The following MASTL variants were observed in gnomAD, a reference collection of about 807,000 sequenced individuals.
MASTL encodes microtubule associated serine/threonine kinase like.
MASTL carries 54 observed loss-of-function variants against 82.5 expected under a neutral mutation model. The ratio of observed to expected loss-of-function variants is 0.65; its 90% CI spans 0.53 to 0.82. The LOEUF (loss-of-function observed/expected upper bound fraction) is 0.82. Ranked by LOEUF, MASTL falls within the 40% of genes least tolerant of loss-of-function variation. MASTL has a pLI of 0.00. For missense variants in MASTL, 950 were observed against 1,047.8 expected, an observed-to-expected ratio of 0.91 and a Z score of 1.29; for synonymous variants, 323 against 368.9, an observed-to-expected ratio of 0.88 and a Z score of 1.43.
Position 27,156,162 on chromosome 10 carries a change from G to A in MASTL, c.186+550G>A, listed in dbSNP as rs537555939. Among the ~76,000 whole-genome samples, 329 of 152,190 alleles carry A rather than the reference G, an allele frequency of 2.2e-3. 3 individuals carry two copies. The highest frequency in any genetic ancestry group is 7.6e-3 in the African/African-American group (314 of 41,516). ...TGGGACTACAAGCGCCCGTCACCAC[G>A]CCCGGCTGATTTTTTGTATTTTTAG... On this transcript the variant is annotated intron_variant, in intron 1 of 11. Coordinates refer to ENST00000375940, the MANE Select transcript of MASTL (RefSeq NM_001172303.3).
chr10:27,156,510 A>ATT (rs71523560), intron 1 of MASTL, among the ~76,000 whole-genome samples: 2 of 149,556 alleles, frequency 1.3e-5, no homozygotes, highest in Non-Finnish European at 3.0e-5. Flanking sequence ...GTCTTTAATA[A>ATT]TTTTTTTTTA....
chr10:27,176,409 C>A (rs1220178478), intron 9 of MASTL, among the ~76,000 whole-genome samples: 1 of 152,158 alleles, frequency 6.6e-6, no homozygotes, highest in Non-Finnish European at 1.5e-5. Flanking sequence ...TTCTATTTCC[C>A]TTCTCAGAAA....
intron 3 of MASTL, 55 bp from the exon 4 acceptor site, chr10:27,161,039 A>G (rs544877576): frequency 1.6e-4 from 182 of 1,126,430 alleles, no homozygotes; most frequent in Admixed American, 4.9e-4. Flanking sequence ...TGGAAATTCT[A>G]ACATTAAAAC....
chr10:27,170,968 C>T lies in MASTL; in HGVS notation c.2009C>T (p.Pro670Leu). Residue 670 changes from proline (P) to leucine (L), a missense_variant, in exon 8 of 12, where the codon CCA becomes CTA. Coordinates refer to ENST00000375940, the MANE Select transcript of MASTL (RefSeq NM_001172303.3). ...SHINASNNSE[P>L]SRMNMTSLDA... Reference sequence around the variant, plus strand: ...ATTAATGCATCCAATAACTCAGAACCATCCAGAATGAACATGACTTCTTTA... The same window carrying T: ...ATTAATGCATCCAATAACTCAGAACTATCCAGAATGAACATGACTTCTTTA... The T allele has an allele frequency of 6.2e-7, 1 of 1,614,080 alleles. No individual in the cohort carries two copies. The highest frequency in any genetic ancestry group is 1.6e-4 in the Middle Eastern group (1 of 6,062).
intron 8 of MASTL, among the ~76,000 whole-genome samples, chr10:27,172,613 CA>C (rs2057985503): frequency 6.6e-6 from 1 of 152,000 alleles, no homozygotes; most frequent in African/African-American, 2.4e-5. Flanking sequence ...GAGATCGCAC[CA>C]CTGCACTCCA....
intron 9 of MASTL, among the ~76,000 whole-genome samples, chr10:27,173,559 CT>C (rs966531379): frequency 6.6e-6 from 1 of 151,742 alleles, no homozygotes; most frequent in Non-Finnish European, 1.5e-5. Flanking sequence ...TATCTTATCT[CT>C]TTTTTTATTT....
intron 11 of MASTL, 137 bp downstream of exon 11, chr10:27,181,718 A>T: frequency 1.6e-6 from 1 of 615,518 alleles, no homozygotes. Flanking sequence ...AGGCGGGCTG[A>T]TCACAAGGTC....
At chr10:27,180,806 C>G in intron 9 of MASTL, 147 bp from the exon 10 acceptor site, 1 of 691,736 alleles carries the variant, frequency 1.4e-6, no homozygotes, top group African/African-American at 1.8e-5. Context: ...GGCAGACTTG[C>G]AGCTTATCTG....
intron 10 of MASTL, 65 bp downstream of exon 10, chr10:27,181,131 T>C (rs878927402): frequency 8.0e-7 from 1 of 1,247,882 alleles, no homozygotes; most frequent in Non-Finnish European, 1.2e-6. Flanking sequence ...ATGCCTGTAA[T>C]CCCAGCACTT....
chr10:27,171,148 C>T (rs2057920909), intron 8 of MASTL, 65 bp downstream of exon 8: 4 of 1,361,736 alleles, frequency 2.9e-6, no homozygotes, highest in Non-Finnish European at 4.2e-6. Flanking sequence ...CAGACATTTG[C>T]CTCTAAGCTA....
rs1408494486 is a variant in MASTL, at chr10:27,170,281, G to T, written c.1322G>T (p.Arg441Ile). ...GGISEEHLGK[R>I]SLKRNFELVD... is the part of the protein sequence containing the mutation. ...ATATCTGAAGAGCACCTTGGGAAAAGAAGTTTAAAAAGAAATTTTGAGTTG... is the reference window on the plus strand; with the variant it reads ...ATATCTGAAGAGCACCTTGGGAAAATAAGTTTAAAAAGAAATTTTGAGTTG... The change falls in exon 8 of 12, where the codon AGA (arginine) becomes ATA (isoleucine). Residue 441 changes from arginine to isoleucine, a missense_variant. Arg to Ile is a moderately conservative substitution (Grantham distance 97, BLOSUM62 -3). Coordinates refer to ENST00000375940, the MANE Select transcript of MASTL (RefSeq NM_001172303.3). The T allele has an allele frequency of 6.2e-7, 1 of 1,614,008 alleles. No individual in the cohort carries two copies. The highest frequency in any genetic ancestry group is 8.5e-7 in the Non-Finnish European group (1 of 1,179,944).
chr10:27,180,809 C>G, intron 9 of MASTL, 144 bp from the exon 10 acceptor site: 5 of 696,534 alleles, frequency 7.2e-6, no homozygotes, highest in East Asian at 5.5e-5. Flanking sequence ...AGACTTGCAG[C>G]TTATCTGCTT....
upstream of MASTL, chr10:27,154,572 G>GTT (rs755262244): frequency 7.0e-3 from 2,202 of 314,706 alleles, no homozygotes; most frequent in East Asian, 9.8e-3. Context: ...CTTTTTCTTC[G>GTT]TTTTTTTTTT....
intron 1 of MASTL, among the ~76,000 whole-genome samples, chr10:27,156,013 A>AT (rs3834397): frequency 0.076 from 11,435 of 151,148 alleles, 484 homozygotes; most frequent in East Asian, 0.16. Context: ...TTTCTTTTTT[A>AT]TTTTTTTTTG....
In MASTL at chr10:27,180,917, T is replaced by C. The variant is rs370283935; in HGVS notation, c.2267-36T>C. The C allele has an allele frequency of 1.1e-5, 14 of 1,280,472 alleles. No individual in the cohort carries two copies. The African/African-American group carries it at 2.1e-4, about 19-fold the overall frequency. The allele number at this position is 1,280,472 out of a possible 1,614,324, so 79.3% of individuals were successfully genotyped here. Reference sequence around the variant, plus strand: ...CTGTTCATCAAATATTTGTAGAGAATGCTTGCAACTTTAGCTGTTTCCTCT... The same window carrying C: ...CTGTTCATCAAATATTTGTAGAGAACGCTTGCAACTTTAGCTGTTTCCTCT... On this transcript the variant is annotated intron_variant, in intron 9 of 11. Coordinates refer to ENST00000375940, the MANE Select transcript of MASTL (RefSeq NM_001172303.3).
In MASTL at chr10:27,170,373, G is replaced by A. The variant is rs200461088; in HGVS notation, c.1414G>A (p.Glu472Lys). Reference sequence around the variant, plus strand: ...AACTTGTGTAGAGTATAAGCATAACGAAATGACAAATTGTTATACAAATCA... The same window carrying A: ...AACTTGTGTAGAGTATAAGCATAACAAAATGACAAATTGTTATACAAATCA... ...KKTCVEYKHNEMTNCYTNQNT... is the reference protein window; with the variant it reads ...KKTCVEYKHNKMTNCYTNQNT... Residue 472 changes from glutamate to lysine, a missense_variant, in exon 8 of 12, where the codon GAA (glutamate) becomes AAA (lysine). Transcript: ENST00000375940. The A allele has an allele frequency of 1.7e-4, 269 of 1,613,762 alleles. 3 individuals carry two copies. The Middle Eastern group carries it at 1.8e-3, about 11-fold the overall frequency.
intron 9 of MASTL, among the ~76,000 whole-genome samples, chr10:27,175,592 C>G (rs1412239804): frequency 1.3e-5 from 2 of 152,178 alleles, no homozygotes; most frequent in African/African-American, 4.8e-5. Context: ...CTTACCTCTT[C>G]TAAATATAGT....
rs771401942 is a variant in MASTL at position 27,155,493 on chromosome 10, A to G, written c.67A>G (p.Arg23Gly). The change falls in exon 1 of 12, where the codon AGG becomes GGG. Residue 23 changes from arginine to glycine, a missense_variant. By Grantham distance (125) the Arg-to-Gly change is moderately radical. Coordinates refer to ENST00000375940, the MANE Select transcript of MASTL (RefSeq NM_001172303.3). Reference protein sequence around the residue: ...GGAATEEGVNRIAVPKPPSIE... With the variant: ...GGAATEEGVNGIAVPKPPSIE... ...CGCGGCGACTGAGGAGGGCGTGAAT[A>G]GGATCGCAGTGCCAAAACCGCCCTC... 7.4e-6 allele frequency: 12 copies of G among 1,614,054 alleles called. No homozygotes were observed. The highest frequency in any genetic ancestry group is 2.2e-5 in the East Asian group (1 of 44,892).
In MASTL at chr10:27,171,231, A is replaced by G. The variant is rs41282226; in HGVS notation, c.2124+148A>G. The G allele has an allele frequency of 4.7e-3, 3,265 of 700,230 alleles. 16 individuals are homozygous for G. The highest frequency in any genetic ancestry group is 6.2e-3 in the Non-Finnish European group (2,550 of 413,024). 43.4% of individuals were successfully genotyped at this position (700,230 alleles called of 1,614,324 possible). A position where few individuals can be genotyped will look rare whatever the true frequency, so the allele number is the denominator to read the frequency against. On this transcript the variant is annotated intron_variant, in intron 8 of 11. Transcript: ENST00000375940. ...TGTGGGCTGTTGGAAGTTTTCACCCAGAAAAGTAAAGCTGGTAGAAATCAT... is the reference window on the plus strand; with the variant it reads ...TGTGGGCTGTTGGAAGTTTTCACCCGGAAAAGTAAAGCTGGTAGAAATCAT...
Sources: allele counts gnomAD v4.1 joint callset (sites outside exome capture counted in the v4.1 genomes callset), GRCh38; gene constraint gnomAD v4.1.1; transcripts MANE v1.5; gene names NCBI Gene and HGNC (gene_info 2026-07-23, HGNC 2026-07-21).